LRRC9: variants seen among roughly 807,000 people sequenced by gnomAD.
LRRC9 encodes the protein leucine-rich repeat-containing protein 9.
A neutral mutation model predicts 63.2 loss-of-function variants in LRRC9; 122 were observed. That is an observed-to-expected ratio of 1.93 (90% CI 1.67 to 2.24). The LOEUF (loss-of-function observed/expected upper bound fraction) is 2.24. Ranked by LOEUF, LRRC9 falls within the 30% of genes most tolerant of loss-of-function variation. The probability of loss-of-function intolerance (pLI) is 0.00; values close to 1 mark genes in which losing one functional copy is unlikely to be tolerated. For synonymous variants in LRRC9, 366 were observed against 213.1 expected (o/e 1.72, Z -6.25); for missense variants, 1,071 against 627.7 (o/e 1.71, Z -7.55).
At chr14:59,972,227 T>A (rs1420584198) in intron 12 of LRRC9, among the ~76,000 whole-genome samples, 2 of 152,170 alleles carry the variant, frequency 1.3e-5, no homozygotes, top group Non-Finnish European at 2.9e-5. Context: ...AAGGGTTTCT[T>A]CTTTTGTGTG....
chr14:59,974,781 T>C (rs1454176636), intron 13 of LRRC9, 73 bp downstream of exon 13: 1 of 531,202 alleles, frequency 1.9e-6, no homozygotes, highest in East Asian at 3.2e-5. Context: ...TTTATATCGT[T>C]TCTGATACTT....
At chr14:60,047,867 C>A (rs1338139065) in intron 29 of LRRC9, among the ~76,000 whole-genome samples, 1 of 152,122 alleles carries the variant, frequency 6.6e-6, no homozygotes, top group Non-Finnish European at 1.5e-5. Context: ...ATGGCACTTA[C>A]TCAAAAATTA....
intron 29 of LRRC9, among the ~76,000 whole-genome samples, chr14:60,035,021 G>T (rs1327577695): frequency 2.0e-5 from 3 of 151,568 alleles, no homozygotes; most frequent in Non-Finnish European, 4.4e-5. Context: ...CTGTATTTTT[G>T]ATATAAGCCA....
At chr14:60,055,626 C>T (rs1468338921) in intron 30 of LRRC9, among the ~76,000 whole-genome samples, 1 of 151,578 alleles carries the variant, frequency 6.6e-6, no homozygotes, top group African/African-American at 2.4e-5. Context: ...GGCTTGGCGG[C>T]TTATGCCTAT....
rs73306053 is a variant in LRRC9 at position 60,006,959 on chromosome 14, C to T, written c.3063+342C>T. On this transcript the variant is annotated intron_variant, in intron 22 of 31. Coordinates refer to ENST00000445360, the Ensembl canonical transcript of LRRC9. ...TGGCTCAAACTTGGTCGCCTTTGCT[C>T]AGATTTGCTTTTGTTAATTCCCCCA... 2.8e-3 allele frequency among the ~76,000 whole-genome samples: 425 copies of T among 152,214 alleles called. 3 individuals are homozygous for T. Among genetic ancestry groups the T allele is most frequent in the African/African-American group, 9.8e-3 (407 of 41,536 alleles).
In LRRC9 at chr14:60,002,193, T is replaced by G. The variant is rs558154482; in HGVS notation, c.2664+93T>G. Reference sequence around the variant, plus strand: ...CTGTGTATCATAAAGAGGGCACAGATAGGTAAGGGACAGAAAGCTGGAAGA... The same window carrying G: ...CTGTGTATCATAAAGAGGGCACAGAGAGGTAAGGGACAGAAAGCTGGAAGA... On this transcript the variant is annotated intron_variant, in intron 20 of 31. Transcript: ENST00000445360. 5.6e-5 allele frequency: 29 copies of G among 520,532 alleles called. No homozygotes were observed. In the South Asian group the frequency reaches 8.0e-4, roughly 14 times the overall value. The allele number at this position is 520,532 out of a possible 1,614,324, so 32.2% of individuals were successfully genotyped here. A position where few individuals can be genotyped will look rare whatever the true frequency, so the allele number is the denominator to read the frequency against.
At chr14:59,946,364 G>C (rs1011063218) in intron 8 of LRRC9, among the ~76,000 whole-genome samples, 14 of 150,430 alleles carry the variant, frequency 9.3e-5, no homozygotes, top group African/African-American at 3.4e-4. Context: ...TCAATAAATG[G>C]ATATCATTTT....
At chr14:60,012,935 ATTTT>A (rs1415529493) in intron 23 of LRRC9, among the ~76,000 whole-genome samples, 1 of 63,434 alleles carries the variant, frequency 1.6e-5, no homozygotes, top group Non-Finnish European at 5.7e-5. Flanking sequence ...TTTTTGTACA[ATTTT>A]ATTTATTTAT....
At chr14:60,034,390 G>T (rs576908604) in intron 29 of LRRC9, among the ~76,000 whole-genome samples, 2 of 151,890 alleles carry the variant, frequency 1.3e-5, no homozygotes, top group South Asian at 2.1e-4. Context: ...AATTTGTATT[G>T]ATGTAAAACA....
rs1888880545 is a variant in LRRC9, at chr14:59,922,597, T to C, written c.-34+2714T>C. On this transcript the variant is annotated intron_variant, in intron 1 of 31. Coordinates refer to ENST00000445360, the Ensembl canonical transcript of LRRC9. This position sits in a 1 kb window ranked among gnomAD's most constrained non-coding sequence, Gnocchi z 5.3. ...GGATCAATACATAGGAAAAGGGATT[T>C]GTTTTGGACAAAAGGAAGAACACCT... Among the ~76,000 whole-genome samples the C allele has an allele frequency of 2.6e-5, 4 of 152,172 alleles. No homozygotes were observed. In the South Asian group the frequency reaches 8.3e-4, roughly 32 times the overall value.
intron 21 of LRRC9, among the ~76,000 whole-genome samples, chr14:60,005,488 A>G (rs1337396063): frequency 6.6e-6 from 1 of 152,046 alleles, no homozygotes; most frequent in Non-Finnish European, 1.5e-5. Context: ...CTAAACTTTA[A>G]CAGGAATTTC....
exon 18 of LRRC9, chr14:59,997,667 A>C (rs906346970): frequency 4.3e-6 from 3 of 696,136 alleles, no homozygotes; most frequent in Middle Eastern, 2.3e-4. Context: ...ATAACCTTGA[A>C]TATTTGGATG....
At chr14:59,972,055 A>G (rs548427105) in intron 12 of LRRC9, among the ~76,000 whole-genome samples, 3 of 152,214 alleles carry the variant, frequency 2.0e-5, no homozygotes, top group East Asian at 3.9e-4. Flanking sequence ...CTCACAATCT[A>G]TCTTCAACCT....
intron 16 of LRRC9, among the ~76,000 whole-genome samples, chr14:59,982,618 G>C (rs1225942395): frequency 5.3e-5 from 4 of 75,504 alleles, no homozygotes; most frequent in African/African-American, 1.2e-4. Flanking sequence ...CATTCATGAA[G>C]GCAGAGGGAG....
intron 14 of LRRC9, 126 bp downstream of exon 14, chr14:59,977,473 T>A (rs1218648123): frequency 1.4e-5 from 8 of 567,424 alleles, no homozygotes; most frequent in African/African-American, 3.8e-5. Flanking sequence ...AAAAATCTGT[T>A]ACTAGCCACT....
At chr14:59,939,645 G>A (rs902577238) in intron 7 of LRRC9, among the ~76,000 whole-genome samples, 1 of 151,952 alleles carries the variant, frequency 6.6e-6, no homozygotes, top group Non-Finnish European at 1.5e-5. Context: ...TTTACTGATG[G>A]ATTGAATATT....
chr14:59,981,008 A>G (rs1484232030), intron 15 of LRRC9, among the ~76,000 whole-genome samples: 1 of 151,854 alleles, frequency 6.6e-6, no homozygotes, highest in Non-Finnish European at 1.5e-5. Context: ...CTTCTCTTCC[A>G]TTCTCTATTA....
At chr14:60,040,022 C>T (rs963155827) in intron 29 of LRRC9, among the ~76,000 whole-genome samples, 1 of 151,926 alleles carries the variant, frequency 6.6e-6, no homozygotes, top group Non-Finnish European at 1.5e-5. Context: ...TTGTTATGTA[C>T]CCAGTAGTCA....
chr14:59,946,667 T>C (rs150668), intron 8 of LRRC9, among the ~76,000 whole-genome samples: 51,813 of 127,400 alleles, frequency 0.41, 10,975 homozygotes, highest in East Asian at 0.63. Context: ...TCCCCACTCC[T>C]CACCACAGTC....
Sources: gnomAD v4.1 joint callset for allele counts (sites outside exome capture counted in the v4.1 genomes callset) on GRCh38, gnomAD v4.1.1 for gene constraint, Gnocchi (gnomAD v3.1) non-coding constraint, MANE v1.5 for transcripts, NCBI Gene and HGNC (gene_info 2026-07-23, HGNC 2026-07-21) for gene names.